The following NTNG1 variants were observed in gnomAD, a reference collection of about 807,000 sequenced individuals.
NTNG1 encodes netrin-G1.
Under a neutral mutation model 54.0 loss-of-function variants are expected in NTNG1, and 16 were observed. The ratio of observed to expected loss-of-function variants is 0.30; its 90% CI spans 0.20 to 0.45. The LOEUF is 0.45. Ranked by LOEUF, NTNG1 falls within the 20% of genes least tolerant of loss-of-function variation. NTNG1 has a pLI of 1.00. For synonymous variants in NTNG1, 255 were observed against 263.1 expected (o/e 0.97, Z 0.30); for missense variants, 530 against 678.7 (o/e 0.78, Z 2.43).
chr1:107,263,933 C>T (rs3123371), intron 2 of NTNG1, among the ~76,000 whole-genome samples: 1 of 152,214 alleles, frequency 6.6e-6, no homozygotes, highest in Admixed American at 6.5e-5. Flanking sequence ...CTGAAGTTTC[C>T]TATCTTTAAA....
At chr1:107,193,999 A>T (rs1658145123) in intron 2 of NTNG1, among the ~76,000 whole-genome samples, 1 of 151,974 alleles carries the variant, frequency 6.6e-6, no homozygotes, top group African/African-American at 2.4e-5. Context: ...CCAGGATTTT[A>T]TCTCACCATT....
chr1:107,375,046 G>A (rs1270906464), intron 3 of NTNG1, among the ~76,000 whole-genome samples: 2 of 152,126 alleles, frequency 1.3e-5, no homozygotes, highest in Non-Finnish European at 1.5e-5. Context: ...TGAATACTGG[G>A]TGCTTTTCTC....
At chr1:107,285,980 C>A (rs981099030) in intron 2 of NTNG1, among the ~76,000 whole-genome samples, 1 of 152,114 alleles carries the variant, frequency 6.6e-6, no homozygotes, top group African/African-American at 2.4e-5. Flanking sequence ...GTCAGTCTTT[C>A]TTTCTAAAAG....
chr1:107,333,143 T>C (rs907174628), intron 3 of NTNG1, among the ~76,000 whole-genome samples: 5 of 151,990 alleles, frequency 3.3e-5, no homozygotes, highest in African/African-American at 1.2e-4. Context: ...TATTGTGCTA[T>C]AAATATATTG....
At chr1:107,170,976 C>G (rs1037472794) in intron 2 of NTNG1, among the ~76,000 whole-genome samples, 1 of 151,910 alleles carries the variant, frequency 6.6e-6, no homozygotes, top group Non-Finnish European at 1.5e-5. Context: ...ATTTAGTGTC[C>G]CAATCCACAT....
At chr1:107,183,974 T>C (rs968041574) in intron 2 of NTNG1, among the ~76,000 whole-genome samples, 3 of 152,132 alleles carry the variant, frequency 2.0e-5, no homozygotes, top group Admixed American at 1.3e-4. Context: ...CTTAGTGGCA[T>C]AAAGCAGAGA....
chr1:107,417,293 C>T (rs146975392), intron 5 of NTNG1, among the ~76,000 whole-genome samples: 6 of 152,058 alleles, frequency 3.9e-5, no homozygotes, highest in South Asian at 2.1e-4. Flanking sequence ...GAGAACACAG[C>T]GAAAGAGAGC....
intron 2 of NTNG1, among the ~76,000 whole-genome samples, chr1:107,275,802 C>T (rs979006579): frequency 3.9e-5 from 6 of 152,188 alleles, no homozygotes; most frequent in Non-Finnish European, 7.3e-5. Flanking sequence ...CAAAAATACC[C>T]TCACAGACAC....
In NTNG1 at chr1:107,149,014, A is replaced by G. The variant is rs79810962; in HGVS notation, c.246+175A>G. The stretch of plus-strand genomic sequence containing the variant: ...GAGGCTTACACTGCCTGGAGTTACA[A>G]TTTGTGCAGGGTGATTGATGCCCTG... On this transcript the variant is annotated intron_variant, in intron 2 of 7. Coordinates refer to ENST00000370068, the MANE Select transcript of NTNG1 (RefSeq NM_001113226.3). Among the ~76,000 whole-genome samples the G allele has an allele frequency of 8.7e-3, 1,324 of 152,190 alleles. 19 individuals are homozygous for G. The highest frequency in any genetic ancestry group is 0.03 in the African/African-American group (1,262 of 41,536).
rs758485145 is a variant in NTNG1 at position 107,377,807 on chromosome 1, A to G, written c.888-17347A>G. Among the ~76,000 whole-genome samples the G allele has an allele frequency of 1.3e-4, 20 of 152,254 alleles. 1 individual carries two copies. Among genetic ancestry groups the G allele is most frequent in the Non-Finnish European group, 2.2e-4 (15 of 68,040 alleles). ...AGACGTGTGGATGTGCAAACGAGGC[A>G]TCAGACTTACGTCACTAACCAGAAA... On this transcript the variant is annotated intron_variant, in intron 3 of 7. Transcript: ENST00000370068.
At chr1:107,283,157 T>A (rs773070245) in intron 2 of NTNG1, among the ~76,000 whole-genome samples, 2 of 152,198 alleles carry the variant, frequency 1.3e-5, no homozygotes, top group African/African-American at 2.4e-5. Context: ...TTTTGCCTTT[T>A]ACTCTGAGAG....
intron 2 of NTNG1, among the ~76,000 whole-genome samples, chr1:107,297,251 A>ATATATATATATATATG (rs1557878548): frequency 7.1e-6 from 1 of 140,344 alleles, no homozygotes; most frequent in African/African-American, 2.7e-5. Context: ...ATATATGCGC[A>ATATATATATATATATG]CACACACACA....
intron 7 of NTNG1, among the ~76,000 whole-genome samples, chr1:107,438,196 A>G (rs972024003): frequency 2.6e-5 from 4 of 152,190 alleles, no homozygotes; most frequent in African/African-American, 9.6e-5. Context: ...CATGGGCAGC[A>G]ATGAGCTCTG....
chr1:107,249,979 A>G (rs1191808568), intron 2 of NTNG1, among the ~76,000 whole-genome samples: 1 of 152,186 alleles, frequency 6.6e-6, no homozygotes, highest in Non-Finnish European at 1.5e-5. Context: ...GTCCTTCCCC[A>G]TGGTGACAGT....
intron 6 of NTNG1, among the ~76,000 whole-genome samples, chr1:107,435,679 G>A (rs1056546753): frequency 6.6e-6 from 1 of 152,050 alleles, no homozygotes; most frequent in African/African-American, 2.4e-5. Context: ...GGATGGTATA[G>A]TTTTATTTGG....
At chr1:107,286,376 A>G (rs1031376267) in intron 2 of NTNG1, among the ~76,000 whole-genome samples, 2 of 152,180 alleles carry the variant, frequency 1.3e-5, no homozygotes, top group Non-Finnish European at 1.5e-5. Context: ...GCCACCAATG[A>G]TGAGCTATCC....
At chr1:107,185,366 C>A (rs765423664) in intron 2 of NTNG1, among the ~76,000 whole-genome samples, 1 of 152,096 alleles carries the variant, frequency 6.6e-6, no homozygotes, top group South Asian at 2.1e-4. Context: ...TTGCTGGCGA[C>A]CCCTGGCCTT....
At chr1:107,246,136 C>T (rs1006647127) in intron 2 of NTNG1, among the ~76,000 whole-genome samples, 1 of 152,152 alleles carries the variant, frequency 6.6e-6, no homozygotes. Flanking sequence ...ACTGCAAGCT[C>T]CGCCTCCTGG....
intron 2 of NTNG1, among the ~76,000 whole-genome samples, chr1:107,217,881 G>T (rs1463701368): frequency 6.6e-6 from 1 of 152,094 alleles, no homozygotes; most frequent in East Asian, 1.9e-4. Flanking sequence ...GGTCTATCTT[G>T]GACAATGTTC....
Sources: allele counts gnomAD v4.1 joint callset (sites outside exome capture counted in the v4.1 genomes callset), GRCh38; gene constraint gnomAD v4.1.1; transcripts MANE v1.5; gene names NCBI Gene and HGNC (gene_info 2026-07-23, HGNC 2026-07-21).